Variants in ATAD3B observed in about 807,000 individuals in gnomAD.
ATAD3B encodes ATPase family AAA domain containing 3B.
ATAD3B carries 59 observed loss-of-function variants against 70.2 expected under a neutral mutation model. The observed-to-expected ratio is 0.84, with a 90% CI of 0.68 to 1.04. The LOEUF (loss-of-function observed/expected upper bound fraction) is 1.04. ATAD3B is among the 50% of genes least tolerant of loss of function. The probability of loss-of-function intolerance (pLI) is 0.00; values close to 1 mark genes in which losing one functional copy is unlikely to be tolerated. For missense variants in ATAD3B, 961 were observed against 913.4 expected, an observed-to-expected ratio of 1.05 and a Z score of -0.67; for synonymous variants, 423 against 388.6, an observed-to-expected ratio of 1.09 and a Z score of -1.04.
At chr1:1,490,457 A>C (rs1418741330) in intron 14 of ATAD3B, 33 bp downstream of exon 14, 1 of 1,612,444 alleles carries the variant, frequency 6.2e-7, no homozygotes, top group Non-Finnish European at 8.5e-7. Context: ...CCCCCAATCC[A>C]GGCACCATAT....
chr1:1,489,575 G>A, intron 13 of ATAD3B: 1 of 1,069,338 alleles, frequency 9.4e-7, no homozygotes, highest in Non-Finnish European at 1.3e-6. Context: ...CAAGGGAGGT[G>A]GTCTGATTGC....
In ATAD3B at chr1:1,478,676, C is replaced by T. The variant is rs780571688; in HGVS notation, c.315C>T (p.Ser105=). Residue 105 remains serine, a synonymous_variant, in exon 3 of 16, where the codon AGC becomes AGT. Transcript: ENST00000673477. The stretch of plus-strand genomic sequence containing the variant: ...AGGCCGCCGTGGAGCAGCTCAAGAG[C>T]GAGCAGATCCGGGCGCAGGCTGAGG... ...EYEAAVEQLK[S]EQIRAQAEER... 19 of 1,544,244 alleles carry T rather than the reference C, an allele frequency of 1.2e-5. No homozygotes were observed. Among genetic ancestry groups the T allele is most frequent in the Non-Finnish European group, 1.4e-5 (16 of 1,144,610 alleles).
chr1:1,507,467 CT>C, the ATAD3B span, among the ~76,000 whole-genome samples: 1 of 152,154 alleles, frequency 6.6e-6, no homozygotes, highest in Admixed American at 6.5e-5. Flanking sequence ...ATATTGATTG[CT>C]TTTTGTATGT....
chr1:1,490,343 T>C lies in ATAD3B; in HGVS notation c.1424T>C (p.Leu475Pro), dbSNP rs769933503. Residue 475 changes from leucine to proline, a missense_variant, in exon 14 of 16, where the codon CTG becomes CCG. Coordinates refer to ENST00000673477, the MANE Select transcript of ATAD3B (RefSeq NM_031921.6). ...ATTGACGTGATGGTCCACTTCGACC[T>C]GCCGCAGCAGGAGGAGCGGGAGCGC... ...SRIDVMVHFD[L>P]PQQEERERLV... The C allele has an allele frequency of 4.3e-6, 7 of 1,613,442 alleles. 1 individual carries two copies. In the South Asian group the frequency reaches 7.7e-5, roughly 18 times the overall value.
chr1:1,488,138 G>A (rs540635159), intron 12 of ATAD3B, among the ~76,000 whole-genome samples: 3 of 152,114 alleles, frequency 2.0e-5, no homozygotes, highest in Admixed American at 1.3e-4. Flanking sequence ...TGTATTTTTA[G>A]TAGAGATGGG....
At chr1:1,479,647 A>C (rs1268013186) in intron 4 of ATAD3B, among the ~76,000 whole-genome samples, 1 of 137,706 alleles carries the variant, frequency 7.3e-6, no homozygotes, top group African/African-American at 2.8e-5. Context: ...CCGCACACAC[A>C]CAGGTATGCA....
chr1:1,485,977 G>A, intron 9 of ATAD3B, 133 bp from the exon 10 acceptor site: 1 of 1,590,818 alleles, frequency 6.3e-7, no homozygotes, highest in Non-Finnish European at 8.6e-7. Context: ...CTGTGCCGGG[G>A]ATAGATAGGC....
chr1:1,501,294 A>G (rs1428147426), downstream of ATAD3B, among the ~76,000 whole-genome samples: 2 of 145,600 alleles, frequency 1.4e-5, no homozygotes, highest in African/African-American at 5.2e-5. Flanking sequence ...TCGCTCTGTC[A>G]CCGAGGCTGG....
At position 1,497,210 on chromosome 1, in the gene ATAD3B, TTCTC is replaced by T. The variant is rs912253444; in HGVS notation, c.*1397_*1400del. Reference sequence around the variant, plus strand: ...CTCTACCTCTGCTCGCTCTCTCCATTTCTCTCTTTTTCCTTTTAGAGATGGGTTC... The same window carrying T: ...CTCTACCTCTGCTCGCTCTCTCCATTTCTTTTTCCTTTTAGAGATGGGTTC... On this transcript the variant is annotated 3_prime_UTR_variant, in exon 16 of 16. Coordinates refer to ENST00000673477, the MANE Select transcript of ATAD3B (RefSeq NM_031921.6). 4 of 151,854 alleles carry T rather than the reference TTCTC, an allele frequency of 2.6e-5. No individual in the cohort carries two copies. Among genetic ancestry groups the T allele is most frequent in the African/African-American group, 7.3e-5 (3 of 41,184 alleles). The allele number at this position is 151,854 out of a possible 1,614,324, so 9.4% of individuals were successfully genotyped here. A position where few individuals can be genotyped will look rare whatever the true frequency, so the allele number is the denominator to read the frequency against.
At chr1:1,507,008 C>T in the ATAD3B span, among the ~76,000 whole-genome samples, 7 of 151,824 alleles carry the variant, frequency 4.6e-5, no homozygotes, top group Admixed American at 3.3e-4. Flanking sequence ...AGGATGGTCT[C>T]GATCCCCTGA....
intron 1 of ATAD3B, among the ~76,000 whole-genome samples, chr1:1,473,380 A>G (rs1365211518): frequency 6.8e-6 from 1 of 148,030 alleles, no homozygotes; most frequent in Non-Finnish European, 1.5e-5. Flanking sequence ...AATTTTTTGT[A>G]TTTTTAGTAG....
intron 15 of ATAD3B, among the ~76,000 whole-genome samples, chr1:1,491,236 T>C (rs1422381698): frequency 6.6e-6 from 1 of 151,958 alleles, no homozygotes; most frequent in African/African-American, 2.4e-5. Flanking sequence ...GGCATGGCCA[T>C]CCAGAGAGCT....
chr1:1,486,301 G>C, intron 10 of ATAD3B, 66 bp downstream of exon 10: 1 of 1,608,388 alleles, frequency 6.2e-7, no homozygotes. Flanking sequence ...GCAGGTGTCT[G>C]GGGGCCTCAG....
chr1:1,499,055 T>C (rs536052162), downstream of ATAD3B, among the ~76,000 whole-genome samples: 1 of 150,720 alleles, frequency 6.6e-6, no homozygotes, highest in Non-Finnish European at 1.5e-5. Context: ...CACTGCAAGC[T>C]CCACCTCCCG....
rs1353557402 is a variant in ATAD3B at position 1,480,545 on chromosome 1, G to A, written c.445-322G>A. Among the ~76,000 whole-genome samples, 2 of 147,740 alleles carry A rather than the reference G, an allele frequency of 1.4e-5. 1 individual carries two copies. Among genetic ancestry groups the A allele is most frequent in the East Asian group, 4.1e-4 (2 of 4,896 alleles). ...GCATTGTAGCTTTAACGTTTAATTG[G>A]CGGAAGACAGAAGCTTCCTTAAGCC... On this transcript the variant is annotated intron_variant, in intron 4 of 15. Transcript: ENST00000673477.
intron 7 of ATAD3B, chr1:1,483,093 G>C (rs1210070458): frequency 2.2e-6 from 1 of 453,268 alleles, no homozygotes; most frequent in Admixed American, 2.4e-5. Flanking sequence ...CGGAGATCGA[G>C]ATCATCCTGG....
chr1:1,490,346 C>G lies in ATAD3B; in HGVS notation c.1427C>G (p.Pro476Arg). The G allele has an allele frequency of 6.2e-7, 1 of 1,613,410 alleles. No homozygotes were observed. The highest frequency in any genetic ancestry group is 8.5e-7 in the Non-Finnish European group (1 of 1,179,692). Residue 476 changes from proline to arginine, a missense_variant, in exon 14 of 16, where the codon CCG becomes CGG. This residue lies in a region of ATAD3B where 417 missense variants were observed against 335.0 expected (regional missense o/e 1.24). Transcript: ENST00000673477. ...RIDVMVHFDL[P>R]QQEERERLVR... is the part of the protein sequence containing the mutation. ...GACGTGATGGTCCACTTCGACCTGC[C>G]GCAGCAGGAGGAGCGGGAGCGCCTG... is the stretch of plus-strand genomic sequence containing the variant.
chr1:1,489,375 T>G, intron 13 of ATAD3B, 101 bp downstream of exon 13: 1 of 1,577,890 alleles, frequency 6.3e-7, no homozygotes, highest in Non-Finnish European at 8.7e-7. Flanking sequence ...GGGCACCAGC[T>G]GTGGCCTCAG....
At chr1:1,492,501 G>T (rs780086160) in intron 15 of ATAD3B, among the ~76,000 whole-genome samples, 27 of 150,424 alleles carry the variant, frequency 1.8e-4, no homozygotes, top group East Asian at 8.0e-4. Flanking sequence ...ATAATAAGAA[G>T]AATAATAATT....
Sources: gnomAD v4.1 joint callset for allele counts (sites outside exome capture counted in the v4.1 genomes callset) on GRCh38, gnomAD v4.1.1 for gene constraint, gnomAD v4.1.1 regional missense constraint, MANE v1.5 for transcripts, NCBI Gene and HGNC (gene_info 2026-07-23, HGNC 2026-07-21) for gene names.